The following C10orf67 variants were observed in gnomAD, a reference collection of about 807,000 sequenced individuals.
C10orf67 encodes the protein chromosome 10 open reading frame 67, also known as uncharacterized protein C10orf67, mitochondrial.
In C10orf67, 60 loss-of-function variants were observed where a neutral mutation model predicts 35.6. That is an observed-to-expected ratio of 1.68 (90% CI 1.37 to 2.09). C10orf67 has a LOEUF of 2.09. Ranked by LOEUF, C10orf67 falls within the 30% of genes most tolerant of loss-of-function variation. The pLI, the probability that C10orf67 is intolerant of heterozygous loss-of-function variation, is 0.00. For synonymous variants in C10orf67, 167 were observed against 115.8 expected (o/e 1.44, Z -2.84); for missense variants, 474 against 330.2 (o/e 1.44, Z -3.38).
chr10:23,280,897 A>G (rs72802185), intron 8 of C10orf67, among the ~76,000 whole-genome samples: 1 of 152,290 alleles, frequency 6.6e-6, no homozygotes, highest in Non-Finnish European at 1.5e-5. Context: ...AAACACTTTC[A>G]ATTTTAATGA....
chr10:23,320,737 T>A lies in C10orf67; in HGVS notation c.546+4A>T. ...CAACTACGGCACCAGAAACAGAAAC[T>A]CACCTGGTACATTCCTTTGATAACA... On this transcript the variant is annotated splice_donor_region_variant and intron_variant, in intron 4 of 15. Coordinates refer to ENST00000636213, the MANE Select transcript of C10orf67 (RefSeq NM_001371909.1). 6.3e-7 allele frequency: 1 copy of A among 1,584,270 alleles called. No homozygotes were observed. The highest frequency in any genetic ancestry group is 1.3e-5 in the African/African-American group (1 of 74,626).
chr10:23,280,250 G>C (rs17543823), intron 8 of C10orf67, among the ~76,000 whole-genome samples: 27,786 of 152,000 alleles, frequency 0.18, 3,123 homozygotes, highest in Non-Finnish European at 0.26. Context: ...TTGGAAAATA[G>C]TAATAGACAA....
intron 12 of C10orf67, among the ~76,000 whole-genome samples, chr10:23,242,604 A>C (rs536307928): frequency 9.0e-4 from 137 of 152,332 alleles, no homozygotes; most frequent in Non-Finnish European, 1.8e-3. Context: ...AGAGAGAATT[A>C]AAATTAAAAT....
intron 4 of C10orf67, among the ~76,000 whole-genome samples, chr10:23,307,510 A>G (rs937254501): frequency 1.3e-5 from 2 of 152,180 alleles, no homozygotes; most frequent in African/African-American, 4.8e-5. Flanking sequence ...ATGAATGTAC[A>G]GTAGAATTAA....
intron 8 of C10orf67, among the ~76,000 whole-genome samples, chr10:23,279,747 T>G (rs1290993908): frequency 6.6e-6 from 1 of 152,214 alleles, no homozygotes; most frequent in Non-Finnish European, 1.5e-5. Flanking sequence ...CAAAAGCCAT[T>G]CTAAGGATAC....
At chr10:23,223,209 G>C (rs895487412) in intron 15 of C10orf67, among the ~76,000 whole-genome samples, 2 of 152,002 alleles carry the variant, frequency 1.3e-5, no homozygotes, top group Non-Finnish European at 2.9e-5. Flanking sequence ...GATTAGCCTG[G>C]ACTACAGGTT....
intron 1 of C10orf67, among the ~76,000 whole-genome samples, chr10:23,339,925 C>T (rs1845818476): frequency 6.6e-6 from 1 of 152,290 alleles, no homozygotes; most frequent in Non-Finnish European, 1.5e-5. Flanking sequence ...GTCTACACTG[C>T]TGCACATTTA....
At chr10:23,334,368 C>A (rs1016292559) in intron 1 of C10orf67, among the ~76,000 whole-genome samples, 1 of 152,236 alleles carries the variant, frequency 6.6e-6, no homozygotes, top group African/African-American at 2.4e-5. Context: ...AAACTTACCA[C>A]AACTGTTTCT....
chr10:23,320,890 C>T (rs1035833232), intron 3 of C10orf67, 75 bp from the exon 4 acceptor site: 15 of 981,668 alleles, frequency 1.5e-5, no homozygotes, highest in Middle Eastern at 2.1e-4. Flanking sequence ...GGGAGGGACT[C>T]ATAGTAAAAA....
rs1468227256 is a variant in C10orf67 at position 23,203,371 on chromosome 10, G to C, written c.*802C>G. On this transcript the variant is annotated 3_prime_UTR_variant, in exon 16 of 16. Transcript: ENST00000636213. Reference sequence around the variant, plus strand: ...CTTTCTTTTGAACTAAAGTATATCAGCTTTATGTGACAACTACCACAAATA... The same window carrying C: ...CTTTCTTTTGAACTAAAGTATATCACCTTTATGTGACAACTACCACAAATA... 1 of 152,184 alleles carries C rather than the reference G, an allele frequency of 6.6e-6. No individual in the cohort carries two copies. Among genetic ancestry groups the C allele is most frequent in the Non-Finnish European group, 1.5e-5 (1 of 68,042 alleles). 9.4% of individuals were successfully genotyped at this position (152,184 alleles called of 1,614,324 possible).
intron 2 of C10orf67, among the ~76,000 whole-genome samples, chr10:23,325,892 T>A (rs1278260996): frequency 6.6e-6 from 1 of 151,900 alleles, no homozygotes; most frequent in African/African-American, 2.4e-5. Context: ...ATTCCCAAAT[T>A]GAAAAATACA....
At chr10:23,312,590 G>A (rs1468996692) in intron 4 of C10orf67, among the ~76,000 whole-genome samples, 2 of 152,032 alleles carry the variant, frequency 1.3e-5, no homozygotes, top group African/African-American at 2.4e-5. Context: ...GCCTCTAGGC[G>A]CTCTCCATAG....
intron 12 of C10orf67, among the ~76,000 whole-genome samples, chr10:23,246,372 A>T (rs1045722964): frequency 6.6e-6 from 1 of 152,206 alleles, no homozygotes; most frequent in African/African-American, 2.4e-5. Flanking sequence ...AAAGGAAAAA[A>T]ATGTTTTTTA....
intron 5 of C10orf67, among the ~76,000 whole-genome samples, chr10:23,302,571 T>G (rs999378602): frequency 2.0e-5 from 3 of 152,202 alleles, no homozygotes; most frequent in Non-Finnish European, 4.4e-5. Flanking sequence ...AATCAAACAA[T>G]CAGCTTCTTG....
At chr10:23,224,245 G>A (rs556577677) in intron 13 of C10orf67, among the ~76,000 whole-genome samples, 3 of 152,272 alleles carry the variant, frequency 2.0e-5, no homozygotes, top group African/African-American at 7.2e-5. Context: ...TGCAGCCTCC[G>A]CTGCTGATAC....
chr10:23,342,187 A>G (rs1431367582), intron 1 of C10orf67, among the ~76,000 whole-genome samples: 1 of 150,466 alleles, frequency 6.6e-6, no homozygotes, highest in African/African-American at 2.5e-5. Flanking sequence ...AAAACAAAAC[A>G]AAAATTAAAT....
chr10:23,231,543 C>T (rs1269392008), intron 13 of C10orf67, among the ~76,000 whole-genome samples: 8 of 152,176 alleles, frequency 5.3e-5, no homozygotes, highest in Admixed American at 3.3e-4. Flanking sequence ...ATGAATGAAG[C>T]AGCCTTCCAT....
chr10:23,244,569 A>T (rs1368211567), intron 12 of C10orf67, among the ~76,000 whole-genome samples: 4 of 152,196 alleles, frequency 2.6e-5, no homozygotes, highest in Admixed American at 2.6e-4. Context: ...TAAGCTATCC[A>T]AAAAGAAATT....
At chr10:23,317,402 AGCT>A (rs1415504085) in intron 4 of C10orf67, 1 of 152,218 alleles carries the variant, frequency 6.6e-6, no homozygotes, top group Non-Finnish European at 1.5e-5. Context: ...ATGGCTGGGC[AGCT>A]GCAGCTGCCT....
Sources: gnomAD v4.1 joint callset for allele counts (sites outside exome capture counted in the v4.1 genomes callset) on GRCh38, gnomAD v4.1.1 for gene constraint, MANE v1.5 for transcripts, NCBI Gene and HGNC (gene_info 2026-07-23, HGNC 2026-07-21) for gene names.